The following B3GALT1 variants were observed in gnomAD, a reference collection of about 807,000 sequenced individuals.
B3GALT1 encodes UDP-Gal:betaGlcNAc beta 1,3-galactosyltransferase, polypeptide 1.
In B3GALT1, 10 loss-of-function variants were observed where a neutral mutation model predicts 23.2. The ratio of observed to expected loss-of-function variants is 0.43; its 90% CI spans 0.27 to 0.73. B3GALT1 has a LOEUF of 0.73. Among genes scored for constraint, B3GALT1 ranks in the 30% least tolerant of loss-of-function variants. The pLI, the probability that B3GALT1 is intolerant of heterozygous loss-of-function variation, is 0.21. For missense variants in B3GALT1, 299 were observed against 405.4 expected, an observed-to-expected ratio of 0.74 and a Z score of 2.25; for synonymous variants, 156 against 141.5, an observed-to-expected ratio of 1.10 and a Z score of -0.73.
At chr2:167,367,360 A>T (rs1697604293) in intron 1 of B3GALT1, among the ~76,000 whole-genome samples, 1 of 152,186 alleles carries the variant, frequency 6.6e-6, no homozygotes, top group Non-Finnish European at 1.5e-5. Context: ...TCCAGTGAGG[A>T]TGTGATGGAC....
At chr2:167,312,501 ACACT>A (rs1182775517) in intron 1 of B3GALT1, among the ~76,000 whole-genome samples, 5 of 152,028 alleles carry the variant, frequency 3.3e-5, no homozygotes, top group Admixed American at 6.6e-5. Context: ...AGTACAAAGA[ACACT>A]CAGTCTAAAA....
chr2:167,493,798 A>C (rs1222661354), intron 2 of B3GALT1, among the ~76,000 whole-genome samples: 1 of 152,164 alleles, frequency 6.6e-6, no homozygotes, highest in Non-Finnish European at 1.5e-5. Flanking sequence ...TAGTATACAG[A>C]AGAGTTTCTT....
chr2:167,405,220 T>C lies in B3GALT1; in HGVS notation c.-510-84957T>C, dbSNP rs142677499. ...ATGCTATTATTTAAGTATCTATAAG[T>C]ATAAAGTAGCTGTCAATCACATCAG... On this transcript the variant is annotated intron_variant, in intron 1 of 4. Coordinates refer to ENST00000392690, the MANE Select transcript of B3GALT1 (RefSeq NM_020981.4). 5.9e-5 allele frequency among the ~76,000 whole-genome samples: 9 copies of C among 152,268 alleles called. No homozygotes were observed. The East Asian group carries it at 1.5e-3, about 26-fold the overall frequency.
At chr2:167,504,922 C>A in intron 2 of B3GALT1, among the ~76,000 whole-genome samples, 1 of 152,180 alleles carries the variant, frequency 6.6e-6, no homozygotes, top group East Asian at 1.9e-4. Context: ...GATCACCTAA[C>A]AATGCATTTC....
intron 1 of B3GALT1, among the ~76,000 whole-genome samples, chr2:167,307,376 C>T (rs998250711): frequency 6.6e-6 from 1 of 151,954 alleles, no homozygotes; most frequent in African/African-American, 2.4e-5. Context: ...GTATTAAACT[C>T]ATAGTTAATT....
intron 3 of B3GALT1, among the ~76,000 whole-genome samples, chr2:167,759,478 A>G (rs1448037429): frequency 2.0e-5 from 3 of 152,244 alleles, no homozygotes; most frequent in Non-Finnish European, 4.4e-5. Flanking sequence ...TGCCTGGAGC[A>G]CAGAGAGATC....
chr2:167,510,668 C>G (rs1271140461), intron 2 of B3GALT1, among the ~76,000 whole-genome samples: 2 of 151,926 alleles, frequency 1.3e-5, no homozygotes, highest in African/African-American at 4.8e-5. Flanking sequence ...GGGTTTTCAC[C>G]TGAAAAACAA....
At chr2:167,435,865 C>G (rs1181586860) in intron 1 of B3GALT1, among the ~76,000 whole-genome samples, 1 of 151,798 alleles carries the variant, frequency 6.6e-6, no homozygotes, top group Non-Finnish European at 1.5e-5. Context: ...TGAAGAAGAA[C>G]ATTTAGTCCC....
intron 2 of B3GALT1, among the ~76,000 whole-genome samples, chr2:167,513,402 G>A (rs558255391): frequency 1.2e-4 from 18 of 152,248 alleles, no homozygotes; most frequent in Admixed American, 8.5e-4. Context: ...GACAACAAAC[G>A]CAAGTGTAGG....
In B3GALT1 at chr2:167,680,406, T is replaced by TGA. The variant is rs60938313; in HGVS notation, c.-352+33459_-352+33460dup. On this transcript the variant is annotated intron_variant, in intron 3 of 4. Transcript: ENST00000392690. Reference sequence around the variant, plus strand: ...AAAGATTTCAAATAGAGAAACAGATTGAGAGAGAGAGAGAGAGAGAACTTT... The same window carrying TGA: ...AAAGATTTCAAATAGAGAAACAGATTGAGAGAGAGAGAGAGAGAGAGAACTTT... Among the ~76,000 whole-genome samples the TGA allele has an allele frequency of 1.2e-3, 181 of 149,592 alleles. 5 individuals are homozygous for TGA. The South Asian group carries it at 0.016, about 13-fold the overall frequency.
intron 2 of B3GALT1, among the ~76,000 whole-genome samples, chr2:167,570,351 G>T (rs1684268627): frequency 6.6e-6 from 1 of 151,728 alleles, no homozygotes. Context: ...ATAGATATAG[G>T]TCTATTTTTT....
chr2:167,823,008 A>C (rs1689140624), intron 4 of B3GALT1, among the ~76,000 whole-genome samples: 1 of 152,154 alleles, frequency 6.6e-6, no homozygotes, highest in Non-Finnish European at 1.5e-5. Context: ...AGCAATGCAA[A>C]ATGAGTAGAA....
intron 1 of B3GALT1, among the ~76,000 whole-genome samples, chr2:167,430,535 A>C (rs962228551): frequency 3.9e-5 from 6 of 152,310 alleles, no homozygotes; most frequent in African/African-American, 1.4e-4. Flanking sequence ...GTATCATGGT[A>C]GTAGCAGTGG....
chr2:167,752,711 C>G (rs570633814), intron 3 of B3GALT1, among the ~76,000 whole-genome samples: 1 of 151,294 alleles, frequency 6.6e-6, no homozygotes, highest in Admixed American at 6.6e-5. Context: ...AACAAAGCTC[C>G]GAAAAGGAAA....
intron 2 of B3GALT1, among the ~76,000 whole-genome samples, chr2:167,565,028 A>T (rs1684127898): frequency 2.0e-5 from 3 of 152,194 alleles, no homozygotes; most frequent in Non-Finnish European, 4.4e-5. Context: ...TATGGAACCA[A>T]AAAAGAGCCC....
chr2:167,553,262 A>C (rs1159864461), intron 2 of B3GALT1, among the ~76,000 whole-genome samples: 3 of 152,218 alleles, frequency 2.0e-5, no homozygotes, highest in African/African-American at 7.2e-5. Flanking sequence ...TGGTAGGCTT[A>C]AACATGAATA....
At chr2:167,780,393 G>C (rs969102756) in intron 3 of B3GALT1, among the ~76,000 whole-genome samples, 4 of 152,162 alleles carry the variant, frequency 2.6e-5, no homozygotes, top group South Asian at 4.1e-4. Flanking sequence ...TTTGTACTCT[G>C]CAAGGGCCAC....
chr2:167,557,581 G>C (rs1683876878), intron 2 of B3GALT1, among the ~76,000 whole-genome samples: 1 of 152,212 alleles, frequency 6.6e-6, no homozygotes, highest in Admixed American at 6.5e-5. Flanking sequence ...TGTAAGAGGA[G>C]AGAACCCTGT....
intron 1 of B3GALT1, among the ~76,000 whole-genome samples, chr2:167,383,389 A>G (rs1697871634): frequency 6.6e-6 from 1 of 152,152 alleles, no homozygotes; most frequent in South Asian, 2.1e-4. Flanking sequence ...GTTTGCAAAT[A>G]ACATGAAGTA....
Sources: gnomAD v4.1 joint callset for allele counts (sites outside exome capture counted in the v4.1 genomes callset) on GRCh38, gnomAD v4.1.1 for gene constraint, MANE v1.5 for transcripts, NCBI Gene and HGNC (gene_info 2026-07-23, HGNC 2026-07-21) for gene names.